Variants in DBX2 observed in about 807,000 individuals in gnomAD.
DBX2 encodes developing brain homeobox 2.
A neutral mutation model predicts 17.7 loss-of-function variants in DBX2; 16 were observed. That is an observed-to-expected ratio of 0.90 (90% CI 0.61 to 1.37). The LOEUF is 1.37. Among genes scored for constraint, DBX2 ranks in the 40% most tolerant of loss-of-function variants. The pLI, the probability that DBX2 is intolerant of heterozygous loss-of-function variation, is 0.00. For synonymous variants in DBX2, 255 were observed against 183.8 expected, an observed-to-expected ratio of 1.39 and a Z score of -3.13; for missense variants, 538 against 433.8, an observed-to-expected ratio of 1.24 and a Z score of -2.13.
At chr12:45,044,917 G>A (rs1384147290) in intron 1 of DBX2, among the ~76,000 whole-genome samples, 1 of 152,022 alleles carries the variant, frequency 6.6e-6, no homozygotes, top group African/African-American at 2.4e-5. Context: ...TAAAAAGAAT[G>A]AAAGAGAGAG....
rs1223128176 is a variant in DBX2, at chr12:45,014,783, T to C, written c.*1503A>G. ...AAAATGACTTTTAAGTAAAAGATCA[T>C]GTGGTAAAGACACAGGTTGACATAC... is the stretch of plus-strand genomic sequence containing the variant. On this transcript the variant is annotated 3_prime_UTR_variant, in exon 4 of 4. Coordinates refer to ENST00000332700, the MANE Select transcript of DBX2 (RefSeq NM_001004329.3). 4.6e-5 allele frequency: 7 copies of C among 152,332 alleles called. No individual in the cohort carries two copies. In the East Asian group the frequency reaches 5.8e-4, roughly 13 times the overall value. 9.4% of individuals were successfully genotyped at this position (152,332 alleles called of 1,614,324 possible). A position where few individuals can be genotyped will look rare whatever the true frequency, so the allele number is the denominator to read the frequency against.
chr12:45,051,032 AG>A lies in DBX2; in HGVS notation c.-106del. 7.9e-7 allele frequency: 1 copy of A among 1,271,892 alleles called. No homozygotes were observed. Among genetic ancestry groups the A allele is most frequent in the Non-Finnish European group, 9.9e-7 (1 of 1,006,404 alleles). The allele number at this position is 1,271,892 out of a possible 1,614,324, so 78.8% of individuals were successfully genotyped here. ...GCAGCTTCTCGCCGCCGCCTCCCGCAGGGCTGGAGCGCGCGGAGCCAGGCAG... is the reference window on the plus strand; with the variant it reads ...GCAGCTTCTCGCCGCCGCCTCCCGCAGGCTGGAGCGCGCGGAGCCAGGCAG... On this transcript the variant is annotated 5_prime_UTR_variant, in exon 1 of 4. Coordinates refer to ENST00000332700, the MANE Select transcript of DBX2 (RefSeq NM_001004329.3).
chr12:45,030,760 G>A (rs1045068647), intron 2 of DBX2, among the ~76,000 whole-genome samples: 7 of 152,120 alleles, frequency 4.6e-5, no homozygotes, highest in Admixed American at 2.6e-4. Context: ...AAATGATAGC[G>A]TAAGTCTATG....
In DBX2 at chr12:45,036,162, A is replaced by G. The variant is rs554666946; in HGVS notation, c.404-48T>C. 7.4e-5 allele frequency: 111 copies of G among 1,494,756 alleles called. No homozygotes were observed. In the East Asian group the frequency reaches 1.9e-3, roughly 25 times the overall value. 92.6% of individuals were successfully genotyped at this position (1,494,756 alleles called of 1,614,324 possible). A position where few individuals can be genotyped will look rare whatever the true frequency, so the allele number is the denominator to read the frequency against. On this transcript the variant is annotated intron_variant, in intron 1 of 3. Coordinates refer to ENST00000332700, the MANE Select transcript of DBX2 (RefSeq NM_001004329.3). ...ATTGATTAGCCATTTCTTTAAGACA[A>G]TATTCAAAACTCCAGTTTCCTAAAA...
Position 45,050,619 on chromosome 12 carries a change from C to A in DBX2, c.309G>T (p.Trp103Cys). 2 of 1,550,328 alleles carry A rather than the reference C, an allele frequency of 1.3e-6. No individual in the cohort carries two copies. Among genetic ancestry groups the A allele is most frequent in the African/African-American group, 2.7e-5 (2 of 73,066 alleles). ...CAGAGGGACTGAGCACTTGAAAAGC[C>A]CACCGCGTTCCGTAGGGCGCCCCGG... is the stretch of plus-strand genomic sequence containing the variant. ...SPAGAPYGTRWAFQVLSPSAD... is the reference protein window; with the variant it reads ...SPAGAPYGTRCAFQVLSPSAD... The change falls in exon 1 of 4, where the codon TGG (tryptophan) becomes TGT (cysteine). Residue 103 changes from tryptophan (W) to cysteine (C), a missense_variant. By Grantham distance (215) the Trp-to-Cys change is radical (BLOSUM62 -2). Transcript: ENST00000332700.
chr12:45,051,058 G>C lies in DBX2; in HGVS notation c.-131C>G, dbSNP rs891395421. On this transcript the variant is annotated 5_prime_UTR_variant, in exon 1 of 4. Transcript: ENST00000332700. ...GGGCTGGAGCGCGCGGAGCCAGGCA[G>C]GGAGGAAAGGCCACCCGGGACGGCG... 1.7e-6 allele frequency: 2 copies of C among 1,145,906 alleles called. No homozygotes were observed. Among genetic ancestry groups the C allele is most frequent in the Non-Finnish European group, 2.2e-6 (2 of 898,774 alleles). The allele number at this position is 1,145,906 out of a possible 1,614,324, so 71.0% of individuals were successfully genotyped here.
In DBX2 at chr12:45,050,941, C is replaced by G; in HGVS notation, c.-14G>C. 2.8e-6 allele frequency: 4 copies of G among 1,440,188 alleles called. No homozygotes were observed. Among genetic ancestry groups the G allele is most frequent in the South Asian group, 3.0e-5 (2 of 67,750 alleles). The allele number at this position is 1,440,188 out of a possible 1,614,324, so 89.2% of individuals were successfully genotyped here. On this transcript the variant is annotated 5_prime_UTR_variant, in exon 1 of 4. Transcript: ENST00000332700. ...GCTGGGGAGCATAGTGCGGCGCCAA[C>G]CGGTCTGCTGCGCGCCCGCCTTGCG...
At chr12:45,050,471 C>T (rs2137035164) in intron 1 of DBX2, 54 bp downstream of exon 1, 3 of 1,537,070 alleles carry the variant, frequency 2.0e-6, no homozygotes, top group Non-Finnish European at 2.6e-6. Context: ...ATCCCTGGAC[C>T]ACCCGGCCTG....
chr12:45,033,547 A>G (rs1946420701), intron 2 of DBX2, among the ~76,000 whole-genome samples: 1 of 152,194 alleles, frequency 6.6e-6, no homozygotes, highest in Non-Finnish European at 1.5e-5. Context: ...GTACCTTGGT[A>G]TCCTGGTTAT....
At chr12:45,034,231 C>T (rs1185855560) in intron 2 of DBX2, among the ~76,000 whole-genome samples, 1 of 151,924 alleles carries the variant, frequency 6.6e-6, no homozygotes, top group African/African-American at 2.4e-5. Context: ...AAGTAAAAAC[C>T]CAGTATCATA....
chr12:45,024,733 GC>G (rs1413744447), intron 2 of DBX2, among the ~76,000 whole-genome samples: 1 of 152,120 alleles, frequency 6.6e-6, no homozygotes, highest in Non-Finnish European at 1.5e-5. Context: ...TATTGAACTA[GC>G]ATCACAAATG....
At chr12:45,044,324 G>A (rs1946487668) in intron 1 of DBX2, among the ~76,000 whole-genome samples, 1 of 152,084 alleles carries the variant, frequency 6.6e-6, no homozygotes. Context: ...CTTGCCAGCA[G>A]TCACGGTTTT....
At chr12:45,037,087 C>A (rs1946445047) in intron 1 of DBX2, among the ~76,000 whole-genome samples, 1 of 152,032 alleles carries the variant, frequency 6.6e-6, no homozygotes, top group South Asian at 2.1e-4. Context: ...ACTATAAAAC[C>A]ATCATAGAAA....
intron 3 of DBX2, among the ~76,000 whole-genome samples, chr12:45,023,089 T>C (rs979687498): frequency 6.6e-6 from 1 of 152,240 alleles, no homozygotes; most frequent in Non-Finnish European, 1.5e-5. Flanking sequence ...GGCCAAACTT[T>C]AAATGGAGTA....
chr12:45,021,584 T>G (rs1946352303), intron 3 of DBX2, among the ~76,000 whole-genome samples: 2 of 152,176 alleles, frequency 1.3e-5, no homozygotes, highest in Admixed American at 6.5e-5. Context: ...CTCCTAAACC[T>G]GCCTGTTTTC....
At chr12:45,036,317 G>A (rs569379129) in intron 1 of DBX2, among the ~76,000 whole-genome samples, 125 of 152,238 alleles carry the variant, frequency 8.2e-4, no homozygotes, top group Middle Eastern at 6.8e-3. Context: ...GTGAAAAGAC[G>A]CAAAGAGACT....
rs773764724 is a variant in DBX2, at chr12:45,016,382, C to T, written c.924G>A (p.Gly308=). 16 of 1,613,772 alleles carry T rather than the reference C, an allele frequency of 9.9e-6. No homozygotes were observed. Among genetic ancestry groups the T allele is most frequent in the Middle Eastern group, 1.7e-4 (1 of 6,056 alleles). The change falls in exon 4 of 4, where the codon GGG becomes GGA. Residue 308 remains glycine, a synonymous_variant. Transcript: ENST00000332700. ...GTGAATTTGCTTCTGGGGGTGGTGC[C>T]CCTGAACTCTCCTGGATTAGTCTTT... is the stretch of plus-strand genomic sequence containing the variant. ...PSERLIQESS[G]APPPEANSLQ...
At chr12:45,031,225 T>TGTGTGTGAGAGAGAGAGA (rs1377897653) in intron 2 of DBX2, among the ~76,000 whole-genome samples, 4 of 85,656 alleles carry the variant, frequency 4.7e-5, no homozygotes, top group African/African-American at 9.2e-5. Flanking sequence ...TGTGTGTGTG[T>TGTGTGTGAGAGAGAGAGA]GAGAGAGAGA....
intron 1 of DBX2, among the ~76,000 whole-genome samples, chr12:45,040,645 T>C (rs553602770): frequency 2.6e-5 from 4 of 152,188 alleles, no homozygotes; most frequent in Non-Finnish European, 5.9e-5. Context: ...GATGGGAACT[T>C]ATAGCCAACC....
Sources: gnomAD v4.1 joint callset for allele counts (sites outside exome capture counted in the v4.1 genomes callset) on GRCh38, gnomAD v4.1.1 for gene constraint, MANE v1.5 for transcripts, NCBI Gene and HGNC (gene_info 2026-07-23, HGNC 2026-07-21) for gene names.